The following ATP10A variants were observed in gnomAD, a reference collection of about 807,000 sequenced individuals.
ATP10A encodes phospholipid-transporting ATPase VA.
ATP10A carries 111 observed loss-of-function variants against 147.8 expected under a neutral mutation model. The ratio of observed to expected loss-of-function variants is 0.75; its 90% CI spans 0.64 to 0.88. The LOEUF (loss-of-function observed/expected upper bound fraction) is 0.88, where lower values mean the gene tolerates loss of function less well. ATP10A is among the 40% of genes least tolerant of loss of function. The probability of loss-of-function intolerance (pLI) is 0.00; values close to 1 mark genes in which losing one functional copy is unlikely to be tolerated. For missense variants in ATP10A, 1,927 were observed against 1,959.0 expected (o/e 0.98, Z 0.31); for synonymous variants, 875 against 841.6 (o/e 1.04, Z -0.69).
chr15:25,683,552 A>G (rs760544372), intron 16 of ATP10A, 66 bp from the exon 17 acceptor site: 3 of 1,470,712 alleles, frequency 2.0e-6, no homozygotes, highest in Non-Finnish European at 2.8e-6. Flanking sequence ...TTCTCATCCG[A>G]GGGAGCTGAC....
intron 1 of ATP10A, among the ~76,000 whole-genome samples, chr15:25,782,990 T>C (rs1477014908): frequency 1.3e-5 from 2 of 151,592 alleles, no homozygotes; most frequent in Admixed American, 6.6e-5. Flanking sequence ...GACAACATAG[T>C]GAGACCCCCA....
chr15:25,765,556 C>A (rs1380934004), intron 2 of ATP10A, among the ~76,000 whole-genome samples: 2 of 152,136 alleles, frequency 1.3e-5, no homozygotes, highest in African/African-American at 4.8e-5. Flanking sequence ...CTCTCATGTG[C>A]AGGTAAGCGG....
At chr15:25,734,172 G>A (rs1190810121) in intron 3 of ATP10A, among the ~76,000 whole-genome samples, 1 of 152,140 alleles carries the variant, frequency 6.6e-6, no homozygotes, top group South Asian at 2.1e-4. Context: ...ACCGGACCCC[G>A]CCCCTCTCGT....
At chr15:25,692,711 A>C (rs535992388) in intron 14 of ATP10A, among the ~76,000 whole-genome samples, 1 of 152,360 alleles carries the variant, frequency 6.6e-6, no homozygotes, top group Non-Finnish European at 1.5e-5. Flanking sequence ...GTAAAACATG[A>C]GATATGGTAT....
rs762832455 is a variant in ATP10A, at chr15:25,701,906, AC to A, written c.2760+9del. Reference sequence around the variant, plus strand: ...GGGGAAGGAAGCGGAGCCACTTGAAACCCACCTACCTGGGAGGTGGCATTCA... The same window carrying A: ...GGGGAAGGAAGCGGAGCCACTTGAAACCACCTACCTGGGAGGTGGCATTCA... On this transcript the variant is annotated intron_variant, in intron 13 of 20. Coordinates refer to ENST00000555815, the MANE Select transcript of ATP10A (RefSeq NM_024490.4). 1.3e-6 allele frequency: 2 copies of A among 1,584,940 alleles called. No individual in the cohort carries two copies. The highest frequency in any genetic ancestry group is 1.7e-6 in the Non-Finnish European group (2 of 1,164,332).
intron 1 of ATP10A, among the ~76,000 whole-genome samples, chr15:25,844,137 CCT>C (rs1427062301): frequency 6.6e-6 from 1 of 152,156 alleles, no homozygotes; most frequent in Non-Finnish European, 1.5e-5. Flanking sequence ...TTAAAACATA[CCT>C]CTGTCATACA....
At position 25,721,942 on chromosome 15, in the gene ATP10A, C is replaced by T. The variant is rs376171991; in HGVS notation, c.1111-33G>A. ...AGACAAGGCACACAGGATGAATGAC[C>T]GTGAGGACCAGGGAGCTGGGGAATT... On this transcript the variant is annotated intron_variant, in intron 6 of 20. Coordinates refer to ENST00000555815, the MANE Select transcript of ATP10A (RefSeq NM_024490.4). The T allele has an allele frequency of 2.6e-5, 42 of 1,593,492 alleles. No homozygotes were observed. The East Asian group carries it at 3.4e-4, about 13-fold the overall frequency.
At chr15:25,832,232 C>A (rs992547222) in intron 1 of ATP10A, among the ~76,000 whole-genome samples, 1 of 152,210 alleles carries the variant, frequency 6.6e-6, no homozygotes, top group South Asian at 2.1e-4. Context: ...CCTGCCCACA[C>A]GCTGGTCTCA....
At chr15:25,801,214 C>T (rs911260776) in intron 1 of ATP10A, among the ~76,000 whole-genome samples, 15 of 152,114 alleles carry the variant, frequency 9.9e-5, no homozygotes, top group Non-Finnish European at 1.5e-4. Context: ...GCCACTCAGC[C>T]AGCATCACCT....
At chr15:25,673,612 A>G (rs1899083684), downstream of ATP10A, among the ~76,000 whole-genome samples, 1 of 152,214 alleles carries the variant, frequency 6.6e-6, no homozygotes, top group South Asian at 2.1e-4. Flanking sequence ...CCGGGCTTCC[A>G]GAGTAGAGCG....
chr15:25,679,212 C>G lies in ATP10A; in HGVS notation c.*129G>C. On this transcript the variant is annotated 3_prime_UTR_variant, in exon 21 of 21. Coordinates refer to ENST00000555815, the MANE Select transcript of ATP10A (RefSeq NM_024490.4). The stretch of plus-strand genomic sequence containing the variant: ...AAAAATAAACTTTCTTTTTTGGTAC[C>G]TCTTGTTTCCTGTATTAGCCTGGGA... 1 of 736,754 alleles carries G rather than the reference C, an allele frequency of 1.4e-6. No individual in the cohort carries two copies. The highest frequency in any genetic ancestry group is 1.8e-6 in the Non-Finnish European group (1 of 544,976). The allele number at this position is 736,754 out of a possible 1,614,324, so 45.6% of individuals were successfully genotyped here. A position where few individuals can be genotyped will look rare whatever the true frequency, so the allele number is the denominator to read the frequency against.
At chr15:25,746,268 G>A (rs924348808) in intron 2 of ATP10A, among the ~76,000 whole-genome samples, 3 of 151,904 alleles carry the variant, frequency 2.0e-5, no homozygotes, top group African/African-American at 7.3e-5. Flanking sequence ...TATATAAAAA[G>A]CATTAATTTG....
chr15:25,834,658 T>C (rs769147298), intron 1 of ATP10A, among the ~76,000 whole-genome samples: 12 of 152,178 alleles, frequency 7.9e-5, no homozygotes, highest in Non-Finnish European at 1.3e-4. Context: ...TACACTAACT[T>C]GTACACAAAT....
rs1899537759 is a variant in ATP10A at position 25,683,434 on chromosome 15, G to C, written c.3344C>G (p.Ser1115Cys). The C allele has an allele frequency of 1.2e-6, 2 of 1,613,972 alleles. No homozygotes were observed. Among genetic ancestry groups the C allele is most frequent in the Non-Finnish European group, 1.7e-6 (2 of 1,180,030 alleles). ...TAGATACCACTGGTCAATCATGGTA[G>C]ATGCAGAGAAGCCACAGAAAAACTG... ...WFQFFCGFSA[S>C]TMIDQWYLIF... Residue 1115 changes from serine (S) to cysteine (C), a missense_variant, in exon 17 of 21, where the codon TCT becomes TGT. Transcript: ENST00000555815.
At chr15:25,693,435 C>T (rs1173516075) in intron 14 of ATP10A, among the ~76,000 whole-genome samples, 1 of 152,214 alleles carries the variant, frequency 6.6e-6, no homozygotes, top group Admixed American at 6.5e-5. Flanking sequence ...TCAGGAATAC[C>T]AGACACCAGT....
chr15:25,840,261 T>A (rs372693448), intron 1 of ATP10A, among the ~76,000 whole-genome samples: 1 of 152,182 alleles, frequency 6.6e-6, no homozygotes, highest in African/African-American at 2.4e-5. Flanking sequence ...ACTCACGTTA[T>A]AGGGGTTTGT....
At chr15:25,714,829 A>C (rs929424522) in intron 9 of ATP10A, among the ~76,000 whole-genome samples, 5 of 152,148 alleles carry the variant, frequency 3.3e-5, no homozygotes, top group African/African-American at 9.7e-5. Flanking sequence ...TGTCTATAAA[A>C]ATTTAATATA....
chr15:25,864,016 G>A (rs548878988), upstream of ATP10A, among the ~76,000 whole-genome samples: 25 of 152,316 alleles, frequency 1.6e-4, no homozygotes, highest in Non-Finnish European at 2.4e-4. Flanking sequence ...GCAGGTATTT[G>A]AGTGTCTGTT....
chr15:25,861,835 G>A (rs775055038), intron 1 of ATP10A: 1 of 158,268 alleles, frequency 6.3e-6, no homozygotes, highest in Non-Finnish European at 1.4e-5. Flanking sequence ...ACAGCTCCAA[G>A]ATGGATCTAC....
Sources: gnomAD v4.1 joint callset for allele counts (sites outside exome capture counted in the v4.1 genomes callset) on GRCh38, gnomAD v4.1.1 for gene constraint, MANE v1.5 for transcripts, NCBI Gene and HGNC (gene_info 2026-07-23, HGNC 2026-07-21) for gene names.